GGNBP2: variants seen among roughly 807,000 people sequenced by gnomAD.
GGNBP2 encodes the protein gametogenetin-binding protein 2.
Under a neutral mutation model 85.9 loss-of-function variants are expected in GGNBP2, and 10 were observed. The observed-to-expected ratio is 0.12, with a 90% CI of 0.07 to 0.20. The LOEUF (loss-of-function observed/expected upper bound fraction) is 0.20. Ranked by LOEUF, GGNBP2 falls within the 10% of genes least tolerant of loss-of-function variation. GGNBP2 has a pLI of 1.00. For missense variants in GGNBP2, 595 were observed against 857.8 expected (o/e 0.69, Z 3.83); for synonymous variants, 287 against 285.7 (o/e 1.00, Z -0.05).
At chr17:36,567,273 T>A (rs1337534107) in intron 5 of GGNBP2, among the ~76,000 whole-genome samples, 1 of 152,192 alleles carries the variant, frequency 6.6e-6, no homozygotes, top group Non-Finnish European at 1.5e-5. Flanking sequence ...TATAAAGATA[T>A]GAGCACACAT....
chr17:36,562,703 A>G (rs1235361186), intron 5 of GGNBP2, among the ~76,000 whole-genome samples: 1 of 151,448 alleles, frequency 6.6e-6, no homozygotes, highest in Non-Finnish European at 1.5e-5. Flanking sequence ...GCAGTGGCTC[A>G]TGCCTGTAAT....
At chr17:36,568,045 C>T (rs370680463) in intron 6 of GGNBP2, among the ~76,000 whole-genome samples, 87 of 152,126 alleles carry the variant, frequency 5.7e-4, no homozygotes, top group Middle Eastern at 6.8e-3. Flanking sequence ...CCTGCCTCAG[C>T]GTCTCGAGTA....
chr17:36,575,473 A>G (rs2074567823), intron 6 of GGNBP2: 1 of 164,758 alleles, frequency 6.1e-6, no homozygotes, highest in South Asian at 1.6e-4. Flanking sequence ...AGATGTTAAC[A>G]TTTAGTTTTT....
chr17:36,559,455 G>T (rs767751063), intron 4 of GGNBP2, among the ~76,000 whole-genome samples: 1 of 152,108 alleles, frequency 6.6e-6, no homozygotes, highest in Non-Finnish European at 1.5e-5. Context: ...CTGGGTTAGA[G>T]ATGTAAATTT....
At chr17:36,576,553 C>CAAAAAAAA (rs57856781) in intron 6 of GGNBP2, 6 of 25,462 alleles carry the variant, frequency 2.4e-4, no homozygotes, top group Non-Finnish European at 3.3e-4. Flanking sequence ...GACTCTGTCT[C>CAAAAAAAA]AAAAAAAAAA....
Position 36,545,765 on chromosome 17 carries a change from A to G in GGNBP2, c.41A>G (p.Glu14Gly), listed in dbSNP as rs775482841. 9 of 1,583,914 alleles carry G rather than the reference A, an allele frequency of 5.7e-6. No homozygotes were observed. Among genetic ancestry groups the G allele is most frequent in the Non-Finnish European group, 6.9e-6 (8 of 1,165,770 alleles). ...GCAGTGTGCAGGGACGGGGAGGAGG[A>G]GTTCCCCTTCGAGAGGAGGCAGATT... ...LVAVCRDGEEEFPFERRQIPL... is the reference protein window; with the variant it reads ...LVAVCRDGEEGFPFERRQIPL... The change falls in exon 2 of 14, where the codon GAG (glutamate) becomes GGG (glycine). Residue 14 changes from glutamate to glycine, a missense_variant. Around this residue, in one of 9 missense-constraint regions of GGNBP2, gnomAD observed 216 missense variants for 293.4 expected, o/e 0.74. Coordinates refer to ENST00000613102, the MANE Select transcript of GGNBP2 (RefSeq NM_024835.5).
intron 5 of GGNBP2, among the ~76,000 whole-genome samples, chr17:36,563,279 T>C (rs1263756282): frequency 6.6e-6 from 1 of 151,802 alleles, no homozygotes; most frequent in Non-Finnish European, 1.5e-5. Flanking sequence ...AATAAATAAA[T>C]AAATAAATAA....
At chr17:36,581,807 C>A in intron 9 of GGNBP2, 1 of 243,574 alleles carries the variant, frequency 4.1e-6, no homozygotes, top group Non-Finnish European at 7.7e-6. Context: ...CCTGTAGATA[C>A]CAAAATCTGC....
rs200876250 is a variant in GGNBP2 at position 36,579,232 on chromosome 17, T to C, written c.846-13T>C. ...AGTTAAAGGTATTAGTGTGTGATTA[T>C]TCCCTTTTATAGGCGAAGAGAAAGG... On this transcript the variant is annotated splice_polypyrimidine_tract_variant and intron_variant, in intron 7 of 13. Transcript: ENST00000613102. 6.2e-7 allele frequency: 1 copy of C among 1,610,298 alleles called. No homozygotes were observed. Among genetic ancestry groups the C allele is most frequent in the Non-Finnish European group, 8.5e-7 (1 of 1,176,736 alleles).
At chr17:36,545,922 C>T (rs1448784065) in intron 2 of GGNBP2, 105 bp downstream of exon 2, 2 of 788,616 alleles carry the variant, frequency 2.5e-6, no homozygotes, top group Non-Finnish European at 4.1e-6. Flanking sequence ...GAGTGTGTTG[C>T]AACTCCTAGG....
chr17:36,586,012 T>G (rs913978466), intron 11 of GGNBP2, 38 bp from the exon 12 acceptor site: 14 of 1,613,790 alleles, frequency 8.7e-6, no homozygotes, highest in Non-Finnish European at 1.1e-5. Context: ...CATGGCTGAC[T>G]TAAGAACATA....
intron 3 of GGNBP2, among the ~76,000 whole-genome samples, chr17:36,556,365 CATAGTG>C (rs1402029648): frequency 1.3e-5 from 2 of 152,118 alleles, no homozygotes; most frequent in African/African-American, 4.8e-5. Context: ...TGTAGCTAAA[CATAGTG>C]ATAGTAAGTG....
At chr17:36,585,240 A>G in intron 9 of GGNBP2, 60 bp from the exon 10 acceptor site, 3 of 1,417,924 alleles carry the variant, frequency 2.1e-6, no homozygotes, top group South Asian at 1.2e-5. Flanking sequence ...GATCTAGGGA[A>G]TAAAATGTAG....
At position 36,575,646 on chromosome 17, in the gene GGNBP2, A is replaced by ATTTTT. The variant is rs1360835058; in HGVS notation, c.642-2336_642-2335insTTTTT. Among the ~76,000 whole-genome samples, 106 of 54,594 alleles carry ATTTTT rather than the reference A, an allele frequency of 1.9e-3. 1 individual carries two copies. Among genetic ancestry groups the ATTTTT allele is most frequent in the African/African-American group, 8.2e-3 (101 of 12,300 alleles). The allele number at this position is 54,594 out of a possible 152,430, so 35.8% of individuals were successfully genotyped here. On this transcript the variant is annotated intron_variant, in intron 6 of 13. Coordinates refer to ENST00000613102, the MANE Select transcript of GGNBP2 (RefSeq NM_024835.5). ...TATATATATATATATATATATATAT[A>ATTTTT]TATTTTTTTTTTTTTTTGAGATGGA...
chr17:36,555,168 A>G (rs2074350007), intron 3 of GGNBP2, among the ~76,000 whole-genome samples: 1 of 152,226 alleles, frequency 6.6e-6, no homozygotes, highest in Admixed American at 6.5e-5. Context: ...CTAGTTTTTA[A>G]AAGATAAGGT....
intron 9 of GGNBP2, among the ~76,000 whole-genome samples, chr17:36,584,714 C>T (rs140147032): frequency 8.2e-4 from 125 of 152,258 alleles, no homozygotes; most frequent in Admixed American, 6.5e-3. Context: ...TTTGGGAAGC[C>T]ATGGCAGAAG....
chr17:36,581,286 A>G (rs1479328953), intron 8 of GGNBP2, 58 bp from the exon 9 acceptor site: 20 of 1,233,524 alleles, frequency 1.6e-5, no homozygotes, highest in African/African-American at 3.1e-5. Context: ...TTCCGTCTCA[A>G]AAAAAAAAGA....
chr17:36,545,811 C>T lies in GGNBP2; in HGVS notation c.87C>T (p.Thr29=), dbSNP rs747309250. The T allele has an allele frequency of 4.5e-6, 7 of 1,557,194 alleles. No homozygotes were observed. Among genetic ancestry groups the T allele is most frequent in the African/African-American group, 2.7e-5 (2 of 73,182 alleles). ...AGATTCCCCTCTACATAGACGACAC[C>T]CTGACGGTGAGCGGGCCGGGCCGGG... is the stretch of plus-strand genomic sequence containing the variant. ...RRQIPLYIDD[T]LTMVMEFPDN... is the part of the protein sequence containing the mutation. Residue 29 remains threonine (T), a synonymous_variant, in exon 2 of 14, where the codon ACC becomes ACT. Coordinates refer to ENST00000613102, the MANE Select transcript of GGNBP2 (RefSeq NM_024835.5).
rs757534311 is a variant in GGNBP2 at position 36,587,063 on chromosome 17, A to C, written c.1708A>C (p.Thr570Pro). The C allele has an allele frequency of 6.2e-7, 1 of 1,614,076 alleles. No individual in the cohort carries two copies. The highest frequency in any genetic ancestry group is 8.5e-7 in the Non-Finnish European group (1 of 1,179,972). Residue 570 changes from threonine (T) to proline (P), a missense_variant, in exon 13 of 14, where the codon ACA (threonine) becomes CCA (proline). Coordinates refer to ENST00000613102, the MANE Select transcript of GGNBP2 (RefSeq NM_024835.5). ...NRETSGNTMH[T>P]VFHRDKTKDT... is the part of the protein sequence containing the mutation. ...AGAGACCTCAGGAAATACCATGCAC[A>C]CAGTGTTTCACCGTGACAAGACCAA...
Sources: allele counts gnomAD v4.1 joint callset (sites outside exome capture counted in the v4.1 genomes callset), GRCh38; gene constraint gnomAD v4.1.1; regional missense constraint gnomAD v4.1.1; transcripts MANE v1.5; gene names NCBI Gene and HGNC (gene_info 2026-07-23, HGNC 2026-07-21).